Variants in SLC9C1 observed in about 807,000 individuals in gnomAD.
The protein encoded by SLC9C1 is solute carrier family 9 member C1.
SLC9C1 carries 97 observed loss-of-function variants against 140.9 expected under a neutral mutation model. The ratio of observed to expected loss-of-function variants is 0.69; its 90% CI spans 0.58 to 0.82. SLC9C1 has a LOEUF of 0.82. Among genes scored for constraint, SLC9C1 ranks in the 40% least tolerant of loss-of-function variants. The pLI is 0.00. For synonymous variants in SLC9C1, 440 were observed against 442.6 expected (o/e 0.99, Z 0.07); for missense variants, 1,340 against 1,389.3 (o/e 0.96, Z 0.56).
chr3:112,162,021 T>G (rs1326186196), intron 26 of SLC9C1, among the ~76,000 whole-genome samples: 3 of 152,226 alleles, frequency 2.0e-5, no homozygotes, highest in African/African-American at 7.2e-5. Flanking sequence ...TATTTTATTC[T>G]CTTTGAAGCA....
chr3:112,231,317 T>C, intron 13 of SLC9C1, 44 bp downstream of exon 13: 1 of 1,606,880 alleles, frequency 6.2e-7, no homozygotes, highest in Non-Finnish European at 8.5e-7. Flanking sequence ...TTTTTCAACA[T>C]AATTTTTGGC....
chr3:112,221,245 A>T lies in SLC9C1; in HGVS notation c.1573-20T>A, dbSNP rs1250695318. ...GCTTGCCTAAAAAAATATTAATTCAAGTCATTATATAGCATGAATAACGAT... is the reference window on the plus strand; with the variant it reads ...GCTTGCCTAAAAAAATATTAATTCATGTCATTATATAGCATGAATAACGAT... On this transcript the variant is annotated intron_variant, in intron 13 of 28. Coordinates refer to ENST00000305815, the MANE Select transcript of SLC9C1 (RefSeq NM_183061.3). The T allele has an allele frequency of 6.3e-7, 1 of 1,591,576 alleles. No homozygotes were observed. Among genetic ancestry groups the T allele is most frequent in the East Asian group, 2.2e-5 (1 of 44,696 alleles).
intron 28 of SLC9C1, among the ~76,000 whole-genome samples, chr3:112,143,974 C>T (rs1421512202): frequency 6.6e-6 from 1 of 152,010 alleles, no homozygotes; most frequent in African/African-American, 2.4e-5. Flanking sequence ...TATGGCTAGC[C>T]AGTTATCCTA....
chr3:112,186,158 C>T (rs2077535545), intron 20 of SLC9C1, among the ~76,000 whole-genome samples: 1 of 152,136 alleles, frequency 6.6e-6, no homozygotes, highest in African/African-American at 2.4e-5. Context: ...ATTTGTCTTG[C>T]AATTATCCTC....
chr3:112,216,905 C>T (rs966520082), intron 15 of SLC9C1, among the ~76,000 whole-genome samples: 1 of 152,132 alleles, frequency 6.6e-6, no homozygotes, highest in Non-Finnish European at 1.5e-5. Flanking sequence ...CACATGCACA[C>T]ATATGTTTAT....
chr3:112,293,655 C>T (rs904021703), intron 1 of SLC9C1, among the ~76,000 whole-genome samples: 8 of 152,172 alleles, frequency 5.3e-5, no homozygotes, highest in African/African-American at 1.9e-4. Context: ...ATCTTACTGA[C>T]TCTGAAGGTG....
intron 27 of SLC9C1, among the ~76,000 whole-genome samples, chr3:112,154,081 G>A (rs1371048661): frequency 3.3e-5 from 2 of 60,760 alleles, no homozygotes; most frequent in African/African-American, 1.1e-4. Flanking sequence ...AGATGTTGGG[G>A]ACAAAAGGAG....
At chr3:112,175,511 T>C (rs558553384) in intron 23 of SLC9C1, among the ~76,000 whole-genome samples, 88 of 152,276 alleles carry the variant, frequency 5.8e-4, no homozygotes, top group African/African-American at 1.9e-3. Context: ...CAGCCTTCAG[T>C]TGCCTTGGAC....
At chr3:112,185,190 A>G (rs1334736183) in intron 20 of SLC9C1, among the ~76,000 whole-genome samples, 1 of 152,024 alleles carries the variant, frequency 6.6e-6, no homozygotes, top group East Asian at 1.9e-4. Context: ...CTTGTCTTAT[A>G]TAAGGAGATA....
chr3:112,184,861 T>C (rs2077503091), intron 20 of SLC9C1, among the ~76,000 whole-genome samples: 1 of 151,496 alleles, frequency 6.6e-6, no homozygotes, highest in Admixed American at 6.6e-5. Context: ...CTAAAGAGGA[T>C]TTAGGGGGTC....
chr3:112,149,654 C>G (rs951069586), intron 28 of SLC9C1, among the ~76,000 whole-genome samples: 2 of 151,704 alleles, frequency 1.3e-5, no homozygotes, highest in Non-Finnish European at 2.9e-5. Flanking sequence ...ATGGGTATTC[C>G]AAATGCCTGG....
chr3:112,207,599 GTGTTCCTTAA>G (rs2078090028), intron 16 of SLC9C1, among the ~76,000 whole-genome samples: 1 of 152,102 alleles, frequency 6.6e-6, no homozygotes, highest in African/African-American at 2.4e-5. Context: ...ATTGGAAGTA[GTGTTCCTTAA>G]TGTGTCATGG....
chr3:112,231,856 C>A (rs2078838345), intron 12 of SLC9C1, among the ~76,000 whole-genome samples: 1 of 152,190 alleles, frequency 6.6e-6, no homozygotes, highest in Non-Finnish European at 1.5e-5. Context: ...TCAGATCCCA[C>A]CTTAGACCTA....
At chr3:112,187,715 G>A (rs1024106152) in intron 20 of SLC9C1, among the ~76,000 whole-genome samples, 6 of 152,024 alleles carry the variant, frequency 3.9e-5, no homozygotes, top group Non-Finnish European at 7.4e-5. Context: ...AAAATAAATA[G>A]CTAAGGCTTC....
intron 7 of SLC9C1, among the ~76,000 whole-genome samples, chr3:112,268,393 A>G (rs2079980477): frequency 6.6e-6 from 1 of 152,212 alleles, no homozygotes; most frequent in Non-Finnish European, 1.5e-5. Flanking sequence ...ACTTCTGAAG[A>G]ATAGTTTTTC....
rs2077452606 is a variant in SLC9C1 at position 112,182,230 on chromosome 3, A to C, written c.2552T>G (p.Leu851Arg). 1.9e-6 allele frequency: 3 copies of C among 1,605,836 alleles called. No homozygotes were observed. Among genetic ancestry groups the C allele is most frequent in the African/African-American group, 1.3e-5 (1 of 74,812 alleles). The stretch of plus-strand genomic sequence containing the variant: ...AGGCCTGATAATAGATTGAGAATCA[A>C]GCACCTCTTTCTTTTTGGCCATGAT... ...KLIMAKKKEV[L>R]DSQSIIRPLT... The change falls in exon 21 of 29, where the codon CTT (leucine) becomes CGT (arginine). Residue 851 changes from leucine to arginine, a missense_variant. By Grantham distance (102) the Leu-to-Arg change is moderately radical. Coordinates refer to ENST00000305815, the MANE Select transcript of SLC9C1 (RefSeq NM_183061.3).
intron 28 of SLC9C1, among the ~76,000 whole-genome samples, chr3:112,150,838 A>AT (rs1490606926): frequency 3.4e-4 from 20 of 58,096 alleles, no homozygotes; most frequent in African/African-American, 2.3e-3. Context: ...ATATATATAT[A>AT]TATTTTTTTT....
intron 1 of SLC9C1, among the ~76,000 whole-genome samples, chr3:112,291,611 A>C (rs1378651744): frequency 6.6e-6 from 1 of 152,212 alleles, no homozygotes; most frequent in Non-Finnish European, 1.5e-5. Context: ...AAAAAGTCAA[A>C]AAATAACAGA....
chr3:112,262,827 G>A (rs1456485216), intron 10 of SLC9C1, 97 bp downstream of exon 10: 1 of 1,101,532 alleles, frequency 9.1e-7, no homozygotes, highest in African/African-American at 1.7e-5. Context: ...TACATCCCAA[G>A]TGAAGTTGAG....
Sources: allele counts gnomAD v4.1 joint callset (sites outside exome capture counted in the v4.1 genomes callset), GRCh38; gene constraint gnomAD v4.1.1; transcripts MANE v1.5; gene names NCBI Gene and HGNC (gene_info 2026-07-23, HGNC 2026-07-21).